SNRNP25: variants seen among roughly 807,000 people sequenced by gnomAD.
The protein encoded by SNRNP25 is small nuclear ribonucleoprotein U11/U12 subunit 25, also known as U11/U12 small nuclear ribonucleoprotein 25 kDa protein.
SNRNP25 carries 21 observed loss-of-function variants against 23.9 expected under a neutral mutation model. The ratio of observed to expected loss-of-function variants is 0.88; its 90% CI spans 0.62 to 1.27. The LOEUF (loss-of-function observed/expected upper bound fraction) is 1.27. Ranked by LOEUF, SNRNP25 falls within the 50% of genes most tolerant of loss-of-function variation. The probability of loss-of-function intolerance (pLI) is 0.00; values close to 1 mark genes in which losing one functional copy is unlikely to be tolerated. For synonymous variants in SNRNP25, 63 were observed against 60.4 expected, an observed-to-expected ratio of 1.04 and a Z score of -0.20; for missense variants, 160 against 156.9, an observed-to-expected ratio of 1.02 and a Z score of -0.11.
In SNRNP25 at chr16:56,560, C is replaced by T. The variant is rs1458906436; in HGVS notation, c.261C>T (p.Tyr87=). The change falls in exon 4 of 5, where the codon TAC becomes TAT. Residue 87 remains tyrosine (Y), a synonymous_variant. Transcript: ENST00000293861. Reference sequence around the variant, plus strand: ...GCAGGTCCTACGTGTGGAGGACGTACCATCTGACCTCTGCAGGAGAGAAAC... The same window carrying T: ...GCAGGTCCTACGTGTGGAGGACGTATCATCTGACCTCTGCAGGAGAGAAAC... ...HISWSYVWRT[Y]HLTSAGEKLT... is the part of the protein sequence containing the mutation. 14 of 1,614,064 alleles carry T rather than the reference C, an allele frequency of 8.7e-6. No individual in the cohort carries two copies. Among genetic ancestry groups the T allele is most frequent in the Non-Finnish European group, 1.2e-5 (14 of 1,180,030 alleles).
At chr16:55,918 C>G (rs533686141) in intron 3 of SNRNP25, 36 bp downstream of exon 3, 4 of 1,586,212 alleles carry the variant, frequency 2.5e-6, no homozygotes, top group Non-Finnish European at 3.4e-6. Context: ...TATAGCCCTT[C>G]GTGGGGCTAG....
Position 54,013 on chromosome 16 carries a change from G to A in SNRNP25, c.-4G>A, listed in dbSNP as rs771999961. The stretch of plus-strand genomic sequence containing the variant: ...CCATGGACGTGTTCCAGGAGGGTCT[G>A]GCTATGGTGGTGCAGGACCCGCTGC... On this transcript the variant is annotated 5_prime_UTR_variant, in exon 1 of 5. An upstream open reading frame in the 5' UTR gains an earlier in-frame stop. Transcript: ENST00000293861. 2 of 1,610,086 alleles carry A rather than the reference G, an allele frequency of 1.2e-6. No individual in the cohort carries two copies. The highest frequency in any genetic ancestry group is 2.7e-5 in the African/African-American group (2 of 74,922).
Position 57,407 on chromosome 16 carries a change from C to A in SNRNP25, c.*264C>A. On this transcript the variant is annotated 3_prime_UTR_variant, in exon 5 of 5. Transcript: ENST00000293861. Reference sequence around the variant, plus strand: ...CCCTAGTCACATGGCAGACCCACGGCCTGGCCCACTGTATAAAATAAACCT... The same window carrying A: ...CCCTAGTCACATGGCAGACCCACGGACTGGCCCACTGTATAAAATAAACCT... The A allele has an allele frequency of 1.8e-6, 1 of 553,166 alleles. No individual in the cohort carries two copies. 34.3% of individuals were successfully genotyped at this position (553,166 alleles called of 1,614,324 possible). A position where few individuals can be genotyped will look rare whatever the true frequency, so the allele number is the denominator to read the frequency against.
At chr16:56,010 G>C (rs1343154759) in intron 3 of SNRNP25, 128 bp downstream of exon 3, 3 of 838,908 alleles carry the variant, frequency 3.6e-6, no homozygotes, top group Non-Finnish European at 5.7e-6. Context: ...GAAGTGATGA[G>C]CTCCCTGTCA....
Position 53,910 on chromosome 16 carries a change from AGGAGAC to A in SNRNP25, c.-102_-97del. On this transcript the variant is annotated 5_prime_UTR_variant, in exon 1 of 5. Coordinates refer to ENST00000293861, the MANE Select transcript of SNRNP25 (RefSeq NM_024571.4). ...GCCCGGCTGAGAGGGGCGGCCCTGG[AGGAGAC>A]GGAGGCCGCGGGTGGGCCCGAGGCG... 1 of 1,526,940 alleles carries A rather than the reference AGGAGAC, an allele frequency of 6.5e-7. No individual in the cohort carries two copies. Among genetic ancestry groups the A allele is most frequent in the Non-Finnish European group, 8.9e-7 (1 of 1,127,442 alleles). 94.6% of individuals were successfully genotyped at this position (1,526,940 alleles called of 1,614,324 possible). A position where few individuals can be genotyped will look rare whatever the true frequency, so the allele number is the denominator to read the frequency against.
At position 56,603 on chromosome 16, in the gene SNRNP25, A is replaced by G. The variant is rs765778608; in HGVS notation, c.304A>G (p.Lys102Glu). 6.2e-7 allele frequency: 1 copy of G among 1,613,946 alleles called. No homozygotes were observed. Among genetic ancestry groups the G allele is most frequent in the East Asian group, 2.2e-5 (1 of 44,886 alleles). The change falls in exon 4 of 5, where the codon AAG becomes GAG. Residue 102 changes from lysine to glutamate, a missense_variant. Lys to Glu is a moderately conservative substitution (Grantham distance 56). Transcript: ENST00000293861. ...AGAGAAACTCACGGAAGACAGAAAG[A>G]AGCTCCGAGAGTAAGTGCCGGCCAC... ...AGEKLTEDRK[K>E]LRDYGIRNRD... is the part of the protein sequence containing the mutation.
chr16:56,596 CAG>C lies in SNRNP25; in HGVS notation c.299_300del (p.Arg100LysfsTer69). On this transcript the variant is annotated frameshift_variant, in exon 4 of 5. Coordinates refer to ENST00000293861, the MANE Select transcript of SNRNP25 (RefSeq NM_024571.4). LOFTEE classifies it high-confidence loss of function. ...TSAGEKLTED[R>X]KKLRDYGIRN... Reference sequence around the variant, plus strand: ...CTGCAGGAGAGAAACTCACGGAAGACAGAAAGAAGCTCCGAGAGTAAGTGCCG... The same window carrying C: ...CTGCAGGAGAGAAACTCACGGAAGACAAAGAAGCTCCGAGAGTAAGTGCCG... 6.2e-7 allele frequency: 1 copy of C among 1,614,020 alleles called. No homozygotes were observed. Among genetic ancestry groups the C allele is most frequent in the South Asian group, 1.1e-5 (1 of 91,088 alleles).
At position 57,240 on chromosome 16, in the gene SNRNP25, C is replaced by T. The variant is rs974304126; in HGVS notation, c.*97C>T. On this transcript the variant is annotated 3_prime_UTR_variant, in exon 5 of 5. Transcript: ENST00000293861. ...CATCGTGCCTCTTTCACAGAAAGGA[C>T]GTTGTGGTGGCCTCACCCCAGGCAT... The T allele has an allele frequency of 2.2e-6, 3 of 1,351,462 alleles. No homozygotes were observed. Among genetic ancestry groups the T allele is most frequent in the Non-Finnish European group, 3.2e-6 (3 of 944,912 alleles). 83.7% of individuals were successfully genotyped at this position (1,351,462 alleles called of 1,614,324 possible). A position where few individuals can be genotyped will look rare whatever the true frequency, so the allele number is the denominator to read the frequency against.
At chr16:54,115 G>C in intron 1 of SNRNP25, 57 bp downstream of exon 1, 1 of 1,550,016 alleles carries the variant, frequency 6.5e-7, no homozygotes, top group Non-Finnish European at 8.7e-7. Context: ...CCGGGCATCC[G>C]GGCGCCGGCA....
In SNRNP25 at chr16:56,579, G is replaced by A. The variant is rs146298490; in HGVS notation, c.280G>A (p.Glu94Lys). Residue 94 changes from glutamate (E) to lysine (K), a missense_variant, in exon 4 of 5, where the codon GAG becomes AAG. Transcript: ENST00000293861. Reference sequence around the variant, plus strand: ...GACGTACCATCTGACCTCTGCAGGAGAGAAACTCACGGAAGACAGAAAGAA... The same window carrying A: ...GACGTACCATCTGACCTCTGCAGGAAAGAAACTCACGGAAGACAGAAAGAA... ...WRTYHLTSAG[E>K]KLTEDRKKLR... The A allele has an allele frequency of 3.7e-6, 6 of 1,613,954 alleles. No individual in the cohort carries two copies. In the African/African-American group the frequency reaches 8.0e-5, roughly 22 times the overall value.
rs1165065515 is a variant in SNRNP25, at chr16:55,131, G to A, written c.43-328G>A. 5 of 263,828 alleles carry A rather than the reference G, an allele frequency of 1.9e-5. No individual in the cohort carries two copies. In the East Asian group the frequency reaches 4.4e-4, roughly 23 times the overall value. The allele number at this position is 263,828 out of a possible 1,614,324, so 16.3% of individuals were successfully genotyped here. A position where few individuals can be genotyped will look rare whatever the true frequency, so the allele number is the denominator to read the frequency against. ...CTTACTCAGTCCCGAAGCCTGGCCT[G>A]GGTCCTGATGATCAGGGATATACTC... On this transcript the variant is annotated intron_variant, in intron 1 of 4. Transcript: ENST00000293861.
intron 3 of SNRNP25, 77 bp from the exon 4 acceptor site, chr16:56,462 C>G: frequency 7.0e-7 from 1 of 1,436,168 alleles, no homozygotes; most frequent in Admixed American, 1.7e-5. Context: ...GACTGCATGC[C>G]TCAAGCCCAC....
Position 56,599 on chromosome 16 carries a change from A to G in SNRNP25, c.300A>G (p.Arg100=), listed in dbSNP as rs1278270294. ...CAGGAGAGAAACTCACGGAAGACAG[A>G]AAGAAGCTCCGAGAGTAAGTGCCGG... The part of the protein sequence containing the change: ...TSAGEKLTED[R]KKLRDYGIRN... The change falls in exon 4 of 5, where the codon AGA becomes AGG. Residue 100 remains arginine, a synonymous_variant. Transcript: ENST00000293861. The G allele has an allele frequency of 1.9e-6, 3 of 1,614,012 alleles. No homozygotes were observed. Among genetic ancestry groups the G allele is most frequent in the Admixed American group, 1.7e-5 (1 of 60,030 alleles).
At chr16:54,506 T>G (rs1333677527) in intron 1 of SNRNP25, among the ~76,000 whole-genome samples, 1 of 152,038 alleles carries the variant, frequency 6.6e-6, no homozygotes, top group African/African-American at 2.4e-5. Context: ...TGCCTCGGCC[T>G]CCCAAAATGC....
intron 1 of SNRNP25, among the ~76,000 whole-genome samples, chr16:54,708 G>A (rs1340549990): frequency 6.6e-6 from 1 of 152,080 alleles, no homozygotes; most frequent in Non-Finnish European, 1.5e-5. Context: ...GGACGATACT[G>A]TCTTTTTATT....
chr16:56,459 T>C (rs1897410329), intron 3 of SNRNP25, 80 bp from the exon 4 acceptor site: 1 of 1,361,196 alleles, frequency 7.3e-7, no homozygotes, highest in Non-Finnish European at 1.1e-6. Flanking sequence ...TAGGACTGCA[T>C]GCCTCAAGCC....
chr16:57,037 A>G (rs1298285331), intron 4 of SNRNP25, 49 bp from the exon 5 acceptor site: 11 of 1,604,356 alleles, frequency 6.9e-6, no homozygotes, highest in Non-Finnish European at 9.4e-6. Flanking sequence ...GGAGTCACAG[A>G]TATGTCCTTC....
At chr16:56,364 C>A in intron 3 of SNRNP25, 175 bp from the exon 4 acceptor site, 1 of 734,488 alleles carries the variant, frequency 1.4e-6, no homozygotes. Context: ...CCTCTGAGAA[C>A]AGAGCCTCCT....
intron 3 of SNRNP25, chr16:56,118 C>CA: frequency 1.6e-6 from 1 of 619,640 alleles, no homozygotes; most frequent in Non-Finnish European, 2.9e-6. Context: ...CCATCGGCAT[C>CA]ACCCCATCCG....
Sources: allele counts gnomAD v4.1 joint callset (sites outside exome capture counted in the v4.1 genomes callset), GRCh38; gene constraint gnomAD v4.1.1; transcripts MANE v1.5; gene names NCBI Gene and HGNC (gene_info 2026-07-23, HGNC 2026-07-21).